The following PDZRN4 variants were observed in gnomAD, a reference collection of about 807,000 sequenced individuals.
PDZRN4 encodes PDZ domain containing ring finger 4.
Under a neutral mutation model 99.0 loss-of-function variants are expected in PDZRN4, and 70 were observed. The ratio of observed to expected loss-of-function variants is 0.71; its 90% confidence interval spans 0.58 to 0.86. The LOEUF (loss-of-function observed/expected upper bound fraction) is 0.86. PDZRN4 is among the 40% of genes least tolerant of loss of function. PDZRN4 has a pLI of 0.00. For missense variants in PDZRN4, 1,474 were observed against 1,331.2 expected (o/e 1.11, Z -1.67); for synonymous variants, 551 against 501.6 (o/e 1.10, Z -1.32).
chr12:41,470,180 G>C (rs1308001056), intron 3 of PDZRN4, among the ~76,000 whole-genome samples: 1 of 152,028 alleles, frequency 6.6e-6, no homozygotes, highest in Non-Finnish European at 1.5e-5. Context: ...TCAGTTTTGT[G>C]GATACAATTG....
intron 9 of PDZRN4, among the ~76,000 whole-genome samples, chr12:41,571,751 C>T (rs1182664886): frequency 6.6e-6 from 1 of 152,094 alleles, no homozygotes; most frequent in Non-Finnish European, 1.5e-5. Flanking sequence ...CATTAATAAC[C>T]TGAATCTGCC....
chr12:41,503,964 A>G (rs1468299504), intron 3 of PDZRN4, among the ~76,000 whole-genome samples: 1 of 152,094 alleles, frequency 6.6e-6, no homozygotes, highest in Non-Finnish European at 1.5e-5. Context: ...ACACAGTTCC[A>G]GTAGATATAT....
intron 3 of PDZRN4, among the ~76,000 whole-genome samples, chr12:41,403,465 G>A (rs898055091): frequency 5.3e-5 from 8 of 152,152 alleles, no homozygotes; most frequent in East Asian, 1.9e-4. Context: ...GAAATATTTC[G>A]GCTGTTTTGA....
At chr12:41,439,601 A>C (rs1195048400) in intron 3 of PDZRN4, among the ~76,000 whole-genome samples, 2 of 152,196 alleles carry the variant, frequency 1.3e-5, no homozygotes. Flanking sequence ...GCTAAGAAGC[A>C]GGAGCCTTTG....
At chr12:41,335,732 A>G (rs931582975) in intron 3 of PDZRN4, among the ~76,000 whole-genome samples, 1 of 152,148 alleles carries the variant, frequency 6.6e-6, no homozygotes, top group Non-Finnish European at 1.5e-5. Context: ...GAAAAAACAC[A>G]TAGAGTTAAT....
intron 3 of PDZRN4, among the ~76,000 whole-genome samples, chr12:41,266,996 G>T (rs1372698391): frequency 6.6e-6 from 1 of 152,084 alleles, no homozygotes; most frequent in African/African-American, 2.4e-5. Flanking sequence ...TAGACGACCA[G>T]CCCACCATCT....
At chr12:41,328,985 G>T (rs1951726756) in intron 3 of PDZRN4, among the ~76,000 whole-genome samples, 1 of 152,084 alleles carries the variant, frequency 6.6e-6, no homozygotes, top group Admixed American at 6.6e-5. Context: ...ACAAATTTGG[G>T]CACTATAAAA....
intron 3 of PDZRN4, among the ~76,000 whole-genome samples, chr12:41,287,736 A>T (rs1951430670): frequency 6.6e-6 from 1 of 152,172 alleles, no homozygotes; most frequent in Non-Finnish European, 1.5e-5. Flanking sequence ...CATAAATTAG[A>T]CTTCCTGTTC....
At chr12:41,270,612 C>A (rs1179144689) in intron 3 of PDZRN4, among the ~76,000 whole-genome samples, 3 of 152,038 alleles carry the variant, frequency 2.0e-5, no homozygotes, top group African/African-American at 7.2e-5. Flanking sequence ...ATCTTCACTG[C>A]AGTCAGAATT....
chr12:41,308,463 T>C (rs1436222964), intron 3 of PDZRN4, among the ~76,000 whole-genome samples: 2 of 152,186 alleles, frequency 1.3e-5, no homozygotes, highest in Admixed American at 1.3e-4. Context: ...TAGCATTCTT[T>C]GTTTGAAAAA....
At chr12:41,476,162 C>G (rs930427293) in intron 3 of PDZRN4, among the ~76,000 whole-genome samples, 2 of 152,098 alleles carry the variant, frequency 1.3e-5, no homozygotes, top group Non-Finnish European at 1.5e-5. Flanking sequence ...ATTTTGAAAA[C>G]TTTGTATATA....
intron 3 of PDZRN4, among the ~76,000 whole-genome samples, chr12:41,224,355 G>A (rs567612765): frequency 7.2e-5 from 11 of 152,290 alleles, no homozygotes; most frequent in Non-Finnish European, 1.3e-4. Flanking sequence ...CATGTTATGA[G>A]CCATCTATTG....
chr12:41,468,224 T>C (rs1565590772), intron 3 of PDZRN4, among the ~76,000 whole-genome samples: 1 of 152,196 alleles, frequency 6.6e-6, no homozygotes, highest in Non-Finnish European at 1.5e-5. Flanking sequence ...AAACTGAACA[T>C]GAGCCATTGA....
rs899129762 is a variant in PDZRN4, at chr12:41,317,063, T to C, written c.843+122875T>C. ...CTTACATAAAGTATATATATATATA[T>C]ATATATATATAGTATATTTGTATAT... On this transcript the variant is annotated intron_variant, in intron 3 of 9. Transcript: ENST00000402685. Among the ~76,000 whole-genome samples, 18 of 140,938 alleles carry C rather than the reference T, an allele frequency of 1.3e-4. 3 individuals carry two copies. In the East Asian group the frequency reaches 1.8e-3, roughly 14 times the overall value. The allele number at this position is 140,938 out of a possible 152,430, so 92.5% of individuals were successfully genotyped here. A position where few individuals can be genotyped will look rare whatever the true frequency, so the allele number is the denominator to read the frequency against.
chr12:41,385,915 A>G (rs999091919), intron 3 of PDZRN4, among the ~76,000 whole-genome samples: 7 of 152,170 alleles, frequency 4.6e-5, no homozygotes, highest in African/African-American at 1.7e-4. Flanking sequence ...AAAAATCCTC[A>G]ACAAAATACT....
chr12:41,453,658 C>T (rs1403704735), intron 3 of PDZRN4, among the ~76,000 whole-genome samples: 1 of 152,180 alleles, frequency 6.6e-6, no homozygotes, highest in Non-Finnish European at 1.5e-5. Context: ...CAAATGTACT[C>T]ATCCATCTTC....
intron 3 of PDZRN4, among the ~76,000 whole-genome samples, chr12:41,229,592 A>G (rs948408708): frequency 6.6e-6 from 1 of 152,082 alleles, no homozygotes; most frequent in Non-Finnish European, 1.5e-5. Context: ...GAATAGTTGC[A>G]GTTCTGGTAT....
chr12:41,553,491 A>C (rs1164455960), intron 6 of PDZRN4, among the ~76,000 whole-genome samples: 1 of 151,756 alleles, frequency 6.6e-6, no homozygotes, highest in Non-Finnish European at 1.5e-5. Flanking sequence ...CGAGACAGGA[A>C]GATTGCCTAT....
chr12:41,219,869 T>G (rs1950942494), intron 3 of PDZRN4, among the ~76,000 whole-genome samples: 1 of 152,168 alleles, frequency 6.6e-6, no homozygotes, highest in Non-Finnish European at 1.5e-5. Flanking sequence ...CTGCTACTGA[T>G]ATAACCAACA....
Sources: gnomAD v4.1 joint callset for allele counts (sites outside exome capture counted in the v4.1 genomes callset) on GRCh38, gnomAD v4.1.1 for gene constraint, MANE v1.5 for transcripts, NCBI Gene and HGNC (gene_info 2026-07-23, HGNC 2026-07-21) for gene names.